The following RASA2 variants were observed in gnomAD, a reference collection of about 807,000 sequenced individuals.
The protein encoded by RASA2 is RAS p21 protein activator 2, also known as ras GTPase-activating protein 2.
In RASA2, 155 loss-of-function variants were observed where a neutral mutation model predicts 118.2. The ratio of observed to expected loss-of-function variants is 1.31; its 90% CI spans 1.15 to 1.50. RASA2 has a LOEUF of 1.50. RASA2 is among the 40% of genes most tolerant of loss of function. The pLI, the probability that RASA2 is intolerant of heterozygous loss-of-function variation, is 0.00. For synonymous variants in RASA2, 353 were observed against 349.1 expected, an observed-to-expected ratio of 1.01 and a Z score of -0.12; for missense variants, 1,016 against 1,009.6, an observed-to-expected ratio of 1.01 and a Z score of -0.09.
At chr3:141,522,394 G>A (rs1175213069) in intron 3 of RASA2, among the ~76,000 whole-genome samples, 1 of 152,146 alleles carries the variant, frequency 6.6e-6, no homozygotes, top group Non-Finnish European at 1.5e-5. Context: ...GGGTACCTGA[G>A]CATTTTCCAT....
intron 1 of RASA2, among the ~76,000 whole-genome samples, chr3:141,499,127 A>C (rs2081743255): frequency 1.3e-5 from 2 of 152,310 alleles, no homozygotes; most frequent in Middle Eastern, 3.4e-3. Flanking sequence ...CTTCAGTGAA[A>C]AGTGATTAAT....
At chr3:141,544,875 T>A (rs2082460969) in intron 5 of RASA2, among the ~76,000 whole-genome samples, 1 of 152,210 alleles carries the variant, frequency 6.6e-6, no homozygotes. Flanking sequence ...CTTAGCAGAC[T>A]AACGCAGAAA....
intron 14 of RASA2, among the ~76,000 whole-genome samples, 179 bp downstream of exon 14, chr3:141,574,246 G>A (rs936353105): frequency 1.3e-5 from 2 of 151,832 alleles, no homozygotes; most frequent in Non-Finnish European, 2.9e-5. Context: ...CTGGAGTGCA[G>A]TGGCGCTATC....
At chr3:141,539,590 C>T (rs779504303) in intron 4 of RASA2, among the ~76,000 whole-genome samples, 2 of 152,162 alleles carry the variant, frequency 1.3e-5, no homozygotes, top group African/African-American at 2.4e-5. Context: ...TGAAATCACT[C>T]ACGTCATCAG....
intron 1 of RASA2, among the ~76,000 whole-genome samples, chr3:141,488,842 T>C (rs1040364188): frequency 6.6e-6 from 1 of 152,226 alleles, no homozygotes. Flanking sequence ...TTAGTGCCAC[T>C]TGATGCTAGG....
At chr3:141,553,396 T>G (rs2082602135) in intron 5 of RASA2, among the ~76,000 whole-genome samples, 1 of 151,990 alleles carries the variant, frequency 6.6e-6, no homozygotes, top group African/African-American at 2.4e-5. Context: ...TTATCTACAG[T>G]GCTTGAGACT....
chr3:141,605,300 C>T (rs937408539), intron 19 of RASA2, among the ~76,000 whole-genome samples: 13 of 152,174 alleles, frequency 8.5e-5, no homozygotes, highest in Non-Finnish European at 1.6e-4. Flanking sequence ...AATCCATCCA[C>T]GATGGTACTT....
intron 9 of RASA2, among the ~76,000 whole-genome samples, chr3:141,569,538 G>A (rs914463156): frequency 1.3e-5 from 2 of 152,094 alleles, no homozygotes; most frequent in Non-Finnish European, 2.9e-5. Flanking sequence ...TCAAATTTAG[G>A]CAAGCATATT....
chr3:141,555,325 TTAACACTGGG>T (rs1352783304), intron 6 of RASA2, among the ~76,000 whole-genome samples: 6 of 152,188 alleles, frequency 3.9e-5, no homozygotes, highest in African/African-American at 1.4e-4. Flanking sequence ...GTGTAAGATG[TTAACACTGGG>T]AGAGGCTGGG....
chr3:141,505,539 C>A (rs11914778), intron 1 of RASA2, among the ~76,000 whole-genome samples: 3 of 152,114 alleles, frequency 2.0e-5, no homozygotes, highest in Non-Finnish European at 4.4e-5. Flanking sequence ...ACAGTGTGTT[C>A]AAGGAACTAA....
Position 141,555,865 on chromosome 3 carries a change from A to AAGAAGAAAACAAGCAATCCG in RASA2, c.638_657dup (p.Gln220ArgfsTer17). ...GAATGACCAAAAGAAGACAAAAGTAAAGAAGAAAACAAGCAATCCGCAGTT... is the reference window on the plus strand; with the variant it reads ...GAATGACCAAAAGAAGACAAAAGTAAAGAAGAAAACAAGCAATCCGAGAAGAAAACAAGCAATCCGCAGTT... On this transcript the variant is annotated frameshift_variant, in exon 7 of 24. Coordinates refer to ENST00000286364, the MANE Select transcript of RASA2 (RefSeq NM_006506.5). LOFTEE classifies it high-confidence loss of function. 1 of 1,612,830 alleles carries AAGAAGAAAACAAGCAATCCG rather than the reference A, an allele frequency of 6.2e-7. No homozygotes were observed. The highest frequency in any genetic ancestry group is 8.5e-7 in the Non-Finnish European group (1 of 1,179,424).
intron 5 of RASA2, 65 bp from the exon 6 acceptor site, chr3:141,553,792 A>G: frequency 6.4e-7 from 1 of 1,565,632 alleles, no homozygotes; most frequent in Middle Eastern, 1.7e-4. Context: ...GTTTGTGTTT[A>G]AAGATAATGT....
intron 5 of RASA2, among the ~76,000 whole-genome samples, chr3:141,549,063 C>T (rs1302531616): frequency 6.6e-6 from 1 of 152,158 alleles, no homozygotes. Flanking sequence ...TTCTCTAATA[C>T]AGCTATAAGA....
intron 5 of RASA2, among the ~76,000 whole-genome samples, chr3:141,547,467 C>A (rs1294620937): frequency 1.3e-5 from 2 of 152,064 alleles, no homozygotes; most frequent in African/African-American, 4.8e-5. Context: ...ATTGTGTAAG[C>A]AGTATTACTT....
intron 1 of RASA2, among the ~76,000 whole-genome samples, chr3:141,495,852 A>T (rs2081694678): frequency 6.6e-6 from 1 of 152,258 alleles, no homozygotes; most frequent in South Asian, 2.1e-4. Context: ...TCATACACGT[A>T]TTCTATAGCA....
At chr3:141,570,287 T>C (rs1577755975) in intron 9 of RASA2, among the ~76,000 whole-genome samples, 1 of 151,880 alleles carries the variant, frequency 6.6e-6, no homozygotes, top group Non-Finnish European at 1.5e-5. Context: ...AGTGGCGGGA[T>C]CTCAGCTCAC....
At chr3:141,559,619 A>G (rs1014173614) in intron 8 of RASA2, among the ~76,000 whole-genome samples, 2 of 152,102 alleles carry the variant, frequency 1.3e-5, no homozygotes, top group African/African-American at 2.4e-5. Context: ...CCTTATTGCT[A>G]TAGGTTAAAA....
chr3:141,545,925 T>G (rs565675478), intron 5 of RASA2, among the ~76,000 whole-genome samples: 14 of 152,294 alleles, frequency 9.2e-5, no homozygotes, highest in Non-Finnish European at 1.8e-4. Context: ...TTGTTTGAGT[T>G]TTTAGCTCCC....
Position 141,555,882 on chromosome 3 carries a change from TC to T in RASA2, c.656del (p.Pro219ArgfsTer11). ...KTKVKKKTSN[P>X]QFNEIFYFEV... is the part of the protein sequence containing the mutation. Reference sequence around the variant, plus strand: ...CAAAAGTAAAGAAGAAAACAAGCAATCCGCAGTTTAATGAAATCTTTTATTT... The same window carrying T: ...CAAAAGTAAAGAAGAAAACAAGCAATCGCAGTTTAATGAAATCTTTTATTT... On this transcript the variant is annotated frameshift_variant, in exon 7 of 24. Coordinates refer to ENST00000286364, the MANE Select transcript of RASA2 (RefSeq NM_006506.5). LOFTEE classifies it high-confidence loss of function. 1 of 1,612,062 alleles carries T rather than the reference TC, an allele frequency of 6.2e-7. No individual in the cohort carries two copies. The highest frequency in any genetic ancestry group is 8.5e-7 in the Non-Finnish European group (1 of 1,179,046).
Sources: gnomAD v4.1 joint callset for allele counts (sites outside exome capture counted in the v4.1 genomes callset) on GRCh38, gnomAD v4.1.1 for gene constraint, MANE v1.5 for transcripts, NCBI Gene and HGNC (gene_info 2026-07-23, HGNC 2026-07-21) for gene names.